Variants in GNA14 observed in about 807,000 individuals in gnomAD.
The protein encoded by GNA14 is G protein subunit alpha 14, also known as guanine nucleotide-binding protein subunit alpha-14.
Under a neutral mutation model 42.0 loss-of-function variants are expected in GNA14, and 50 were observed. The observed-to-expected ratio is 1.19, with a 90% CI of 0.95 to 1.51. GNA14 has a LOEUF of 1.51. GNA14 is among the 40% of genes most tolerant of loss of function. The pLI, the probability that GNA14 is intolerant of heterozygous loss-of-function variation, is 0.00. For missense variants in GNA14, 473 were observed against 446.2 expected (o/e 1.06, Z -0.54); for synonymous variants, 173 against 163.1 (o/e 1.06, Z -0.46).
intron 1 of GNA14, among the ~76,000 whole-genome samples, chr9:77,549,852 A>G (rs1232826764): frequency 6.6e-6 from 1 of 152,056 alleles, no homozygotes; most frequent in African/African-American, 2.4e-5. Context: ...TCCTCTCCCC[A>G]GCTTCACATC....
At chr9:77,499,923 G>A (rs920257381) in intron 2 of GNA14, among the ~76,000 whole-genome samples, 2 of 151,926 alleles carry the variant, frequency 1.3e-5, no homozygotes, top group African/African-American at 4.8e-5. Flanking sequence ...TTCTTTCTGA[G>A]GACTATATAG....
chr9:77,538,453 T>C (rs923309111), intron 1 of GNA14, among the ~76,000 whole-genome samples: 3 of 152,160 alleles, frequency 2.0e-5, no homozygotes, highest in African/African-American at 7.2e-5. Context: ...GATTTTTTTT[T>C]CTCATGCCGT....
chr9:77,501,508 G>T (rs115952489), intron 2 of GNA14, among the ~76,000 whole-genome samples: 4 of 151,962 alleles, frequency 2.6e-5, no homozygotes, highest in Admixed American at 1.3e-4. Context: ...CTTCTTCACC[G>T]AAATGCCTCT....
At chr9:77,462,121 G>T (rs1048608067) in intron 2 of GNA14, among the ~76,000 whole-genome samples, 1 of 152,076 alleles carries the variant, frequency 6.6e-6, no homozygotes, top group African/African-American at 2.4e-5. Flanking sequence ...CATGATTAAG[G>T]CTTCTCTTGA....
intron 1 of GNA14, among the ~76,000 whole-genome samples, chr9:77,538,214 G>A (rs1224046019): frequency 2.0e-5 from 3 of 151,962 alleles, no homozygotes; most frequent in Non-Finnish European, 2.9e-5. Context: ...GGGACTACAG[G>A]TGTGTGCCAC....
At chr9:77,471,062 G>A (rs1836321578) in intron 2 of GNA14, among the ~76,000 whole-genome samples, 1 of 152,166 alleles carries the variant, frequency 6.6e-6, no homozygotes, top group Non-Finnish European at 1.5e-5. Context: ...AGTTAAGAGA[G>A]CAATAGGATG....
At chr9:77,593,596 C>T (rs1823421800) in intron 1 of GNA14, among the ~76,000 whole-genome samples, 1 of 152,166 alleles carries the variant, frequency 6.6e-6, no homozygotes, top group African/African-American at 2.4e-5. Flanking sequence ...AGGTGTGAGC[C>T]ACCGCCCCTG....
intron 2 of GNA14, among the ~76,000 whole-genome samples, chr9:77,515,982 A>AAAAAAAAAAAG: frequency 6.7e-6 from 1 of 148,762 alleles, no homozygotes; most frequent in Admixed American, 6.7e-5. Flanking sequence ...AAAAAAAAAA[A>AAAAAAAAAAAG]ACCCAGAGCA....
At chr9:77,440,371 C>T (rs147712573) in intron 2 of GNA14, among the ~76,000 whole-genome samples, 5,109 of 152,256 alleles carry the variant, frequency 0.034, 123 homozygotes, top group Middle Eastern at 0.054. Context: ...CGGGCAGCCC[C>T]GTCTCCACCA....
intron 2 of GNA14, among the ~76,000 whole-genome samples, chr9:77,499,457 G>T (rs940360550): frequency 6.6e-6 from 1 of 150,948 alleles, no homozygotes; most frequent in Admixed American, 6.6e-5. Context: ...TCTACATTGT[G>T]TACATCTTAG....
At chr9:77,578,016 C>T (rs769172895) in intron 1 of GNA14, among the ~76,000 whole-genome samples, 9 of 152,144 alleles carry the variant, frequency 5.9e-5, no homozygotes, top group Non-Finnish European at 1.0e-4. Flanking sequence ...GCCTGTAATA[C>T]TAGCACCTTG....
intron 2 of GNA14, among the ~76,000 whole-genome samples, chr9:77,507,693 C>A (rs1205654147): frequency 6.6e-6 from 1 of 152,052 alleles, no homozygotes; most frequent in Non-Finnish European, 1.5e-5. Context: ...TAATTTCTAC[C>A]TCTTGTCCAG....
chr9:77,448,367 A>C (rs1253292636), intron 2 of GNA14, among the ~76,000 whole-genome samples: 1 of 152,118 alleles, frequency 6.6e-6, no homozygotes, highest in Non-Finnish European at 1.5e-5. Flanking sequence ...TCTGGTTTTC[A>C]TTTTCAGGTC....
At chr9:77,494,197 G>A (rs1836833372) in intron 2 of GNA14, among the ~76,000 whole-genome samples, 1 of 152,016 alleles carries the variant, frequency 6.6e-6, no homozygotes, top group African/African-American at 2.4e-5. Context: ...TGCTATTACA[G>A]GTGTGAGCCA....
chr9:77,622,053 A>C (rs2117976160), intron 1 of GNA14, among the ~76,000 whole-genome samples: 1 of 152,304 alleles, frequency 6.6e-6, no homozygotes, highest in South Asian at 2.1e-4. Flanking sequence ...AGCATCCCAA[A>C]GTTCTGGGAT....
At chr9:77,640,890 A>AC (rs1446247474) in intron 1 of GNA14, among the ~76,000 whole-genome samples, 1 of 149,834 alleles carries the variant, frequency 6.7e-6, no homozygotes, top group Non-Finnish European at 1.5e-5. Flanking sequence ...AAAAAAAAAA[A>AC]AACAACAGAC....
chr9:77,516,358 A>C (rs1328610567), intron 2 of GNA14, among the ~76,000 whole-genome samples: 1 of 152,080 alleles, frequency 6.6e-6, no homozygotes, highest in Non-Finnish European at 1.5e-5. Context: ...ATTCATATCA[A>C]CCTCTAGTGG....
In GNA14 at chr9:77,434,542, C is replaced by G. The variant is rs182712104; in HGVS notation, c.310-20G>C. On this transcript the variant is annotated intron_variant, in intron 2 of 6. Transcript: ENST00000341700. ...ATTTTCCTACTCAAAGGAAAGAGAA[C>G]CTTGCATCAGGCAAAGGAAAGGAAG... The G allele has an allele frequency of 3.4e-5, 54 of 1,607,292 alleles. No individual in the cohort carries two copies. Among genetic ancestry groups the G allele is most frequent in the Non-Finnish European group, 4.5e-5 (53 of 1,176,194 alleles).
At chr9:77,581,739 T>C (rs1823227038) in intron 1 of GNA14, among the ~76,000 whole-genome samples, 1 of 152,190 alleles carries the variant, frequency 6.6e-6, no homozygotes, top group African/African-American at 2.4e-5. Flanking sequence ...GGACCCAGGG[T>C]AGCTGAATGC....
Sources: gnomAD v4.1 joint callset for allele counts (sites outside exome capture counted in the v4.1 genomes callset) on GRCh38, gnomAD v4.1.1 for gene constraint, MANE v1.5 for transcripts, NCBI Gene and HGNC (gene_info 2026-07-23, HGNC 2026-07-21) for gene names.